Variants in TCF12 observed in about 807,000 individuals in gnomAD.
TCF12 encodes the protein transcription factor 12.
In TCF12, 45 loss-of-function variants were observed where a neutral mutation model predicts 86.0. The observed-to-expected ratio is 0.52, with a 90% confidence interval of 0.41 to 0.67. The LOEUF is 0.67. Ranked by LOEUF, TCF12 falls within the 30% of genes least tolerant of loss-of-function variation. TCF12 has a pLI of 0.00. For synonymous variants in TCF12, 330 were observed against 299.6 expected (o/e 1.10, Z -1.05); for missense variants, 881 against 859.9 (o/e 1.02, Z -0.31).
At chr15:57,038,688 G>A (rs1323703566) in intron 3 of TCF12, among the ~76,000 whole-genome samples, 2 of 152,060 alleles carry the variant, frequency 1.3e-5, no homozygotes, top group Non-Finnish European at 2.9e-5. Flanking sequence ...AAGCCATAGA[G>A]TTTATCTAAA....
rs140585506 is a variant in TCF12, at chr15:57,241,139, G to A, written c.1036-2333G>A. Reference sequence around the variant, plus strand: ...TACACTGTCTTACTCTGTCACCCAAGCTGGAGTGCAGTGGCTCGATCTCGG... The same window carrying A: ...TACACTGTCTTACTCTGTCACCCAAACTGGAGTGCAGTGGCTCGATCTCGG... On this transcript the variant is annotated intron_variant, in intron 12 of 20. Coordinates refer to ENST00000333725, the MANE Select transcript of TCF12 (RefSeq NM_207037.2). 3.8e-3 allele frequency among the ~76,000 whole-genome samples: 580 copies of A among 151,230 alleles called. 3 individuals are homozygous for A. Among genetic ancestry groups the A allele is most frequent in the African/African-American group, 0.014 (562 of 41,150 alleles).
intron 5 of TCF12, among the ~76,000 whole-genome samples, chr15:57,161,126 T>C (rs1333286222): frequency 5.9e-5 from 9 of 152,180 alleles, no homozygotes; most frequent in African/African-American, 2.2e-4. Context: ...TGGGGAGAAA[T>C]GGGAATGTAG....
chr15:57,069,154 T>C (rs528666716), intron 4 of TCF12, among the ~76,000 whole-genome samples: 6 of 151,852 alleles, frequency 4.0e-5, no homozygotes, highest in African/African-American at 1.5e-4. Context: ...GGGGTGGGAG[T>C]AGGAGAGAGG....
intron 3 of TCF12, among the ~76,000 whole-genome samples, chr15:57,045,318 A>G (rs1596281751): frequency 6.6e-6 from 1 of 152,198 alleles, no homozygotes. Context: ...TTTTTTCCCC[A>G]TAAGATGAAT....
chr15:57,020,934 TA>T lies in TCF12; in HGVS notation c.149-42814del, dbSNP rs148571316. Among the ~76,000 whole-genome samples, 335 of 152,316 alleles carry T rather than the reference TA, an allele frequency of 2.2e-3. 5 individuals are homozygous for T. The East Asian group carries it at 0.025, about 11-fold the overall frequency. ...ATTTGAAATTAAGAGTAACAAGGTTTAATTTTTTATTATATGAGATAGATGA... is the reference window on the plus strand; with the variant it reads ...ATTTGAAATTAAGAGTAACAAGGTTTATTTTTTATTATATGAGATAGATGA... On this transcript the variant is annotated intron_variant, in intron 3 of 20. Coordinates refer to ENST00000333725, the MANE Select transcript of TCF12 (RefSeq NM_207037.2).
intron 3 of TCF12, among the ~76,000 whole-genome samples, chr15:56,951,537 T>A (rs2061276751): frequency 1.3e-5 from 2 of 152,202 alleles, no homozygotes; most frequent in South Asian, 4.1e-4. Flanking sequence ...AGCAGAAGTT[T>A]CTAATTTTGG....
intron 3 of TCF12, among the ~76,000 whole-genome samples, chr15:56,975,343 T>C (rs2062545451): frequency 6.6e-6 from 1 of 152,148 alleles, no homozygotes; most frequent in Admixed American, 6.5e-5. Context: ...ATTAGAGTGA[T>C]TGAATTTGCT....
intron 8 of TCF12, among the ~76,000 whole-genome samples, chr15:57,199,477 C>T (rs1006671483): frequency 5.9e-5 from 9 of 152,140 alleles, no homozygotes; most frequent in Admixed American, 3.3e-4. Flanking sequence ...AAATTCATCT[C>T]ATTTCTTAAC....
intron 5 of TCF12, among the ~76,000 whole-genome samples, chr15:57,137,135 A>G (rs1243593494): frequency 6.6e-6 from 1 of 151,944 alleles, no homozygotes; most frequent in South Asian, 2.1e-4. Flanking sequence ...ACCTGCCACC[A>G]TGCCCGGCTA....
rs548294290 is a variant in TCF12 at position 57,032,206 on chromosome 15, A to G, written c.149-31544A>G. Among the ~76,000 whole-genome samples, 113 of 152,312 alleles carry G rather than the reference A, an allele frequency of 7.4e-4. 1 individual carries two copies. Among genetic ancestry groups the G allele is most frequent in the Non-Finnish European group, 1.4e-3 (98 of 68,030 alleles). ...TTTTAAAAAGACTTTAAAAACAGGT[A>G]TGAGATAGAACTCCACCAGGTTGTA... is the stretch of plus-strand genomic sequence containing the variant. On this transcript the variant is annotated intron_variant, in intron 3 of 20. Transcript: ENST00000333725.
Position 57,253,254 on chromosome 15 carries a change from C to G in TCF12, c.1261-8C>G. The stretch of plus-strand genomic sequence containing the variant: ...ATAACCACCATGTTTTTTTTTTAAT[C>G]CATACAGCAGTCTCGAATGGAGGAT... On this transcript the variant is annotated splice_region_variant and splice_polypyrimidine_tract_variant and intron_variant, in intron 15 of 20. Transcript: ENST00000333725. 1 of 1,610,672 alleles carries G rather than the reference C, an allele frequency of 6.2e-7. No individual in the cohort carries two copies. Among genetic ancestry groups the G allele is most frequent in the Non-Finnish European group, 8.5e-7 (1 of 1,178,554 alleles).
chr15:57,260,039 C>T (rs1348816803), intron 16 of TCF12, among the ~76,000 whole-genome samples: 1 of 152,208 alleles, frequency 6.6e-6, no homozygotes, highest in African/African-American at 2.4e-5. Context: ...TTCGTCTAGT[C>T]TGAGGCCATT....
At chr15:57,046,876 C>T (rs1345533270) in intron 3 of TCF12, among the ~76,000 whole-genome samples, 3 of 152,210 alleles carry the variant, frequency 2.0e-5, no homozygotes, top group African/African-American at 7.2e-5. Flanking sequence ...CAGTATTTCC[C>T]CTTCTTCCCT....
intron 5 of TCF12, among the ~76,000 whole-genome samples, chr15:57,106,227 G>T (rs547517361): frequency 1.3e-5 from 2 of 152,280 alleles, no homozygotes; most frequent in South Asian, 2.1e-4. Flanking sequence ...AATTACATAG[G>T]TAGAAAAAAT....
At chr15:56,935,867 A>G (rs762459512) in intron 3 of TCF12, among the ~76,000 whole-genome samples, 16 of 152,112 alleles carry the variant, frequency 1.1e-4, no homozygotes, top group Non-Finnish European at 2.2e-4. Flanking sequence ...TCTATCATGT[A>G]TATATATACA....
chr15:57,170,040 A>C (rs960198442), intron 6 of TCF12, among the ~76,000 whole-genome samples: 2 of 152,224 alleles, frequency 1.3e-5, no homozygotes, highest in African/African-American at 4.8e-5. Context: ...TGAACTAAAC[A>C]TAATCACATT....
rs566658958 is a variant in TCF12, at chr15:57,270,236, C to T, written c.1746-2794C>T. On this transcript the variant is annotated intron_variant, in intron 18 of 20. Coordinates refer to ENST00000333725, the MANE Select transcript of TCF12 (RefSeq NM_207037.2). ...GGTCTTTTAATGTAGTCCCATATTT[C>T]TTGGAGGCTTTGTTCATTTGTTTTC... is the stretch of plus-strand genomic sequence containing the variant. Among the ~76,000 whole-genome samples, 39 of 152,188 alleles carry T rather than the reference C, an allele frequency of 2.6e-4. 1 individual carries two copies. The highest frequency in any genetic ancestry group is 3.8e-4 in the Non-Finnish European group (26 of 68,032).
chr15:57,101,435 C>G (rs1299122488), intron 5 of TCF12, among the ~76,000 whole-genome samples: 1 of 152,138 alleles, frequency 6.6e-6, no homozygotes, highest in African/African-American at 2.4e-5. Flanking sequence ...GGTCCGAACT[C>G]TTAGGTTCAA....
At chr15:56,991,965 A>G (rs1314675560) in intron 3 of TCF12, among the ~76,000 whole-genome samples, 2 of 152,054 alleles carry the variant, frequency 1.3e-5, no homozygotes, top group African/African-American at 4.8e-5. Context: ...TTAAAAATTG[A>G]TCTCCTATGC....
Sources: gnomAD v4.1 joint callset for allele counts (sites outside exome capture counted in the v4.1 genomes callset) on GRCh38, gnomAD v4.1.1 for gene constraint, MANE v1.5 for transcripts, NCBI Gene and HGNC (gene_info 2026-07-23, HGNC 2026-07-21) for gene names.